ABL2: variants seen among roughly 807,000 people sequenced by gnomAD.
The protein encoded by ABL2 is ABL proto-oncogene 2, non-receptor tyrosine kinase.
Under a neutral mutation model 107.7 loss-of-function variants are expected in ABL2, and 49 were observed. The ratio of observed to expected loss-of-function variants is 0.45; its 90% confidence interval spans 0.36 to 0.58. ABL2 has a LOEUF of 0.58. Among genes scored for constraint, ABL2 ranks in the 20% least tolerant of loss-of-function variants. The probability of loss-of-function intolerance (pLI) is 0.00; values close to 1 mark genes in which losing one functional copy is unlikely to be tolerated. For missense variants in ABL2, 1,245 were observed against 1,457.0 expected (o/e 0.85, Z 2.37); for synonymous variants, 549 against 548.6 (o/e 1.00, Z -0.01).
chr1:179,154,595 C>T (rs1417647350), intron 1 of ABL2, among the ~76,000 whole-genome samples: 1 of 152,194 alleles, frequency 6.6e-6, no homozygotes, highest in African/African-American at 2.4e-5. Flanking sequence ...TGAGGCCAAA[C>T]CTACTGCTGA....
At chr1:179,135,444 C>T (rs1485468773) in intron 1 of ABL2, among the ~76,000 whole-genome samples, 1 of 149,824 alleles carries the variant, frequency 6.7e-6, no homozygotes, top group Non-Finnish European at 1.5e-5. Flanking sequence ...GTGAGGAGAC[C>T]CTCCGCCTGG....
intron 1 of ABL2, among the ~76,000 whole-genome samples, chr1:179,186,422 A>G (rs1384065410): frequency 6.6e-6 from 1 of 152,046 alleles, no homozygotes; most frequent in African/African-American, 2.4e-5. Flanking sequence ...CTTCTTGCCC[A>G]GGCTAGAGTG....
rs28914525 is a variant in ABL2, at chr1:179,130,507, T to C, written c.391+804A>G. Among the ~76,000 whole-genome samples, 46 of 152,354 alleles carry C rather than the reference T, an allele frequency of 3.0e-4. No individual in the cohort carries two copies. The East Asian group carries it at 8.9e-3, about 29-fold the overall frequency. On this transcript the variant is annotated intron_variant, in intron 3 of 11. Transcript: ENST00000502732. ...AGTGTTTCACATTCTGGCATAAGCA[T>C]CTTACCTTGTTGTGGACCATTTTTG... is the stretch of plus-strand genomic sequence containing the variant.
Position 179,208,373 on chromosome 1 carries a change from G to C in ABL2, c.157+20868C>G, listed in dbSNP as rs28991597. 2.0e-5 allele frequency among the ~76,000 whole-genome samples: 3 copies of C among 151,224 alleles called. No individual in the cohort carries two copies. In the South Asian group the frequency reaches 6.3e-4, roughly 32 times the overall value. On this transcript the variant is annotated intron_variant, in intron 1 of 11. Coordinates refer to ENST00000502732, the MANE Select transcript of ABL2 (RefSeq NM_007314.4). ...TATGTCCATTTGTACTCAATGCTCA[G>C]CTCCCACTTATAAGTGAGAACACAG...
chr1:179,216,434 A>G (rs1662566575), intron 1 of ABL2, among the ~76,000 whole-genome samples: 2 of 152,246 alleles, frequency 1.3e-5, no homozygotes, highest in Admixed American at 6.5e-5. Flanking sequence ...ACACAGACAC[A>G]CACATCTCTT....
At chr1:179,197,413 T>C (rs1661379714) in intron 1 of ABL2, among the ~76,000 whole-genome samples, 3 of 152,070 alleles carry the variant, frequency 2.0e-5, no homozygotes, top group Admixed American at 1.3e-4. Flanking sequence ...TCTTCAAGGC[T>C]GTACAACTAA....
intron 1 of ABL2, among the ~76,000 whole-genome samples, chr1:179,196,009 G>GA (rs1661289064): frequency 6.6e-6 from 1 of 152,210 alleles, no homozygotes; most frequent in South Asian, 2.1e-4. Context: ...ACAACAGTAT[G>GA]AAAAGAGCAA....
intron 1 of ABL2, among the ~76,000 whole-genome samples, chr1:179,204,058 G>A (rs988696145): frequency 2.0e-5 from 3 of 151,868 alleles, no homozygotes; most frequent in Non-Finnish European, 4.4e-5. Context: ...GGAGTCTCTC[G>A]CTCTGTCGCC....
chr1:179,174,917 A>T (rs796816447), intron 1 of ABL2, among the ~76,000 whole-genome samples: 20,322 of 108,882 alleles, frequency 0.19, 1,860 homozygotes, highest in Middle Eastern at 0.26. Flanking sequence ...AATAAAATAA[A>T]AAAAATAATA....
Position 179,103,777 on chromosome 1 carries a change from G to C in ABL2, c.*3941C>G, listed in dbSNP as rs2102562966. On this transcript the variant is annotated 3_prime_UTR_variant, in exon 12 of 12. Transcript: ENST00000502732. ...AGTGTCTCACATGGCAGCAGGTATG[G>C]TGGAAAGACCCCACAACCATAAAGT... 1 of 229,660 alleles carries C rather than the reference G, an allele frequency of 4.4e-6. No individual in the cohort carries two copies. Among genetic ancestry groups the C allele is most frequent in the South Asian group, 1.8e-4 (1 of 5,494 alleles). The allele number at this position is 229,660 out of a possible 1,614,324, so 14.2% of individuals were successfully genotyped here.
At chr1:179,187,501 T>C (rs541445858) in intron 1 of ABL2, among the ~76,000 whole-genome samples, 40 of 152,338 alleles carry the variant, frequency 2.6e-4, no homozygotes, top group African/African-American at 8.9e-4. Flanking sequence ...CAGCCTTTTT[T>C]GGAAGGCCTA....
chr1:179,215,553 C>G (rs1014543545), intron 1 of ABL2, among the ~76,000 whole-genome samples: 5 of 152,140 alleles, frequency 3.3e-5, no homozygotes, highest in East Asian at 3.9e-4. Context: ...GGCTAACAAC[C>G]CTTTCTCTAC....
chr1:179,175,548 G>A (rs940443570), intron 1 of ABL2, among the ~76,000 whole-genome samples: 1 of 152,218 alleles, frequency 6.6e-6, no homozygotes, highest in African/African-American at 2.4e-5. Context: ...AGACAAGTCT[G>A]AAGTTACCTA....
chr1:179,213,639 C>T (rs1340100037), intron 1 of ABL2, among the ~76,000 whole-genome samples: 1 of 152,122 alleles, frequency 6.6e-6, no homozygotes, highest in East Asian at 1.9e-4. Flanking sequence ...TTCAAGTGCT[C>T]AAGAGCCACA....
intron 1 of ABL2, among the ~76,000 whole-genome samples, chr1:179,139,812 T>C (rs1572687512): frequency 6.6e-6 from 1 of 152,152 alleles, no homozygotes; most frequent in Non-Finnish European, 1.5e-5. Context: ...TGAAACCTAC[T>C]GTGAACTGCT....
intron 1 of ABL2, among the ~76,000 whole-genome samples, chr1:179,136,183 C>T (rs1185700832): frequency 6.6e-6 from 1 of 151,910 alleles, no homozygotes; most frequent in African/African-American, 2.4e-5. Flanking sequence ...GCCCCTCTGC[C>T]CGGCCACCAC....
In ABL2 at chr1:179,229,185, C is replaced by T. The variant is rs1663401368; in HGVS notation, c.157+56G>A. The stretch of plus-strand genomic sequence containing the variant: ...CAGCCCGTCCGCCACCCACCCCGCC[C>T]CGACCCCACCCCCGGCCTCCCCCAC... On this transcript the variant is annotated intron_variant, in intron 1 of 11. Transcript: ENST00000502732. The T allele has an allele frequency of 5.8e-5, 33 of 568,858 alleles. No individual in the cohort carries two copies. The South Asian group carries it at 6.6e-4, about 11-fold the overall frequency. 35.2% of individuals were successfully genotyped at this position (568,858 alleles called of 1,614,324 possible).
rs776095887 is a variant in ABL2 at position 179,163,423 on chromosome 1, A to G, written c.158-30049T>C. ...CTTAAGTTCACACAAAAACCTGAAC[A>G]CAAATGTTTATGGCAGCTCTATTGA... On this transcript the variant is annotated intron_variant, in intron 1 of 11. Transcript: ENST00000502732. Among the ~76,000 whole-genome samples the G allele has an allele frequency of 1.6e-4, 24 of 152,222 alleles. 1 individual carries two copies. The highest frequency in any genetic ancestry group is 6.3e-3 in the Middle Eastern group (2 of 316).
chr1:179,134,741 C>T (rs72709462), intron 1 of ABL2, among the ~76,000 whole-genome samples: 3,318 of 151,922 alleles, frequency 0.022, 68 homozygotes, highest in Middle Eastern at 0.055. Flanking sequence ...TCTCCACGGT[C>T]GCCCTCTCCC....
Sources: allele counts gnomAD v4.1 joint callset (sites outside exome capture counted in the v4.1 genomes callset), GRCh38; gene constraint gnomAD v4.1.1; transcripts MANE v1.5; gene names NCBI Gene and HGNC (gene_info 2026-07-23, HGNC 2026-07-21).